Variants in NRXN3 observed in about 807,000 individuals in gnomAD.
The protein encoded by NRXN3 is neurexin 3, also known as neurexin III.
NRXN3 carries 32 observed loss-of-function variants against 137.6 expected under a neutral mutation model. The ratio of observed to expected loss-of-function variants is 0.23; its 90% CI spans 0.18 to 0.31. NRXN3 has a LOEUF of 0.31. NRXN3 is among the 10% of genes least tolerant of loss of function. The pLI, the probability that NRXN3 is intolerant of heterozygous loss-of-function variation, is 1.00. For missense variants in NRXN3, 1,574 were observed against 2,062.5 expected (o/e 0.76, Z 4.59); for synonymous variants, 798 against 784.5 (o/e 1.02, Z -0.29).
At chr14:79,729,173 C>A (rs908019002) in intron 19 of NRXN3, among the ~76,000 whole-genome samples, 1 of 152,180 alleles carries the variant, frequency 6.6e-6, no homozygotes, top group Non-Finnish European at 1.5e-5. Flanking sequence ...GAATCCTTGT[C>A]TCCCACACCA....
At chr14:79,535,059 A>G (rs1249030227) in intron 16 of NRXN3, among the ~76,000 whole-genome samples, 1 of 152,188 alleles carries the variant, frequency 6.6e-6, no homozygotes, top group Non-Finnish European at 1.5e-5. Flanking sequence ...GCTATTTTTG[A>G]GGTCTCTTTT....
At chr14:79,690,888 CT>C (rs1312711643) in intron 17 of NRXN3, among the ~76,000 whole-genome samples, 1 of 152,040 alleles carries the variant, frequency 6.6e-6, no homozygotes, top group East Asian at 1.9e-4. Flanking sequence ...TTCTTTATGG[CT>C]TTTAGAATTC....
chr14:79,113,903 A>G (rs1416027345), intron 15 of NRXN3, among the ~76,000 whole-genome samples: 2 of 152,178 alleles, frequency 1.3e-5, no homozygotes, highest in Non-Finnish European at 2.9e-5. Context: ...GAGGATTTGC[A>G]TTTCTAACGA....
At chr14:78,345,252 C>A (rs531239022) in intron 4 of NRXN3, among the ~76,000 whole-genome samples, 3 of 152,240 alleles carry the variant, frequency 2.0e-5, no homozygotes, top group Non-Finnish European at 4.4e-5. Flanking sequence ...AGTAGTTCAG[C>A]TTTTACTAAG....
At chr14:79,270,845 C>A (rs752093122) in intron 15 of NRXN3, among the ~76,000 whole-genome samples, 2 of 152,084 alleles carry the variant, frequency 1.3e-5, no homozygotes, top group Non-Finnish European at 2.9e-5. Flanking sequence ...ATTTCAGTAT[C>A]CCCCACCTCA....
chr14:78,729,012 T>A (rs1407904480), intron 8 of NRXN3, among the ~76,000 whole-genome samples: 1 of 152,216 alleles, frequency 6.6e-6, no homozygotes, highest in Non-Finnish European at 1.5e-5. Context: ...AGTTTTCTGA[T>A]CCATCAAAAA....
intron 4 of NRXN3, among the ~76,000 whole-genome samples, chr14:78,322,789 A>G (rs989653725): frequency 6.6e-6 from 1 of 151,780 alleles, no homozygotes; most frequent in African/African-American, 2.4e-5. Flanking sequence ...TATCAGGGAC[A>G]TTTCTCCCAT....
chr14:78,700,062 A>G (rs950540675), intron 6 of NRXN3, among the ~76,000 whole-genome samples: 2 of 152,194 alleles, frequency 1.3e-5, no homozygotes, highest in African/African-American at 4.8e-5. Context: ...CATGACAAAT[A>G]TATCTCACTC....
At chr14:79,850,175 A>T (rs1010996802) in intron 20 of NRXN3, among the ~76,000 whole-genome samples, 1 of 152,206 alleles carries the variant, frequency 6.6e-6, no homozygotes, top group Non-Finnish European at 1.5e-5. Context: ...GGTATTTGTT[A>T]TGCCAACTTC....
rs1168395886 is a variant in NRXN3 at position 79,279,563 on chromosome 14, C to T, written c.3263-187658C>T. The T allele has an allele frequency of 7.1e-6, 7 of 986,326 alleles. No individual in the cohort carries two copies. In the African/African-American group the frequency reaches 1.2e-4, roughly 17 times the overall value. The allele number at this position is 986,326 out of a possible 1,614,324, so 61.1% of individuals were successfully genotyped here. On this transcript the variant is annotated intron_variant, in intron 15 of 20. Coordinates refer to ENST00000335750, the MANE Select transcript of NRXN3 (RefSeq NM_001330195.2). ...TCCGCACCGGGTTCCTCCTCCTCTCCTCTTTCCCTCCAGTCCTTCTTATTC... is the reference window on the plus strand; with the variant it reads ...TCCGCACCGGGTTCCTCCTCCTCTCTTCTTTCCCTCCAGTCCTTCTTATTC...
intron 15 of NRXN3, among the ~76,000 whole-genome samples, chr14:79,257,379 G>GTAA: frequency 1.0e-5 from 1 of 99,556 alleles, no homozygotes; most frequent in South Asian, 3.5e-4. Flanking sequence ...GGTGGTGGTG[G>GTAA]TGGTGGTGAT....
At chr14:79,411,312 C>T (rs938132067) in intron 15 of NRXN3, among the ~76,000 whole-genome samples, 2 of 152,254 alleles carry the variant, frequency 1.3e-5, no homozygotes, top group African/African-American at 4.8e-5. Flanking sequence ...CCAGGGACAA[C>T]TAGCCAAACT....
chr14:79,536,136 A>G (rs2097209151), intron 16 of NRXN3, among the ~76,000 whole-genome samples: 1 of 152,208 alleles, frequency 6.6e-6, no homozygotes, highest in Non-Finnish European at 1.5e-5. Context: ...TGAACTTTAG[A>G]GAACAAAAAG....
chr14:79,758,489 G>A (rs1184202946), intron 19 of NRXN3, among the ~76,000 whole-genome samples: 2 of 152,096 alleles, frequency 1.3e-5, no homozygotes, highest in Non-Finnish European at 2.9e-5. Context: ...TCATTACCTC[G>A]AGGAAGGCAC....
At chr14:79,437,350 A>G (rs902620010) in intron 15 of NRXN3, among the ~76,000 whole-genome samples, 1 of 151,540 alleles carries the variant, frequency 6.6e-6, no homozygotes, top group African/African-American at 2.4e-5. Flanking sequence ...TAGCTCCCAC[A>G]GTTTTTTCCC....
chr14:79,621,688 C>A (rs2098226162), intron 16 of NRXN3, among the ~76,000 whole-genome samples: 1 of 152,172 alleles, frequency 6.6e-6, no homozygotes, highest in African/African-American at 2.4e-5. Flanking sequence ...TGGCTTTGAA[C>A]AATGAGCATT....
At chr14:78,814,941 T>C (rs1224250138) in intron 10 of NRXN3, among the ~76,000 whole-genome samples, 1 of 152,208 alleles carries the variant, frequency 6.6e-6, no homozygotes, top group Admixed American at 6.5e-5. Flanking sequence ...ATAGCTTGAA[T>C]GAATACAGTA....
At chr14:79,135,027 C>G (rs1424817866) in intron 15 of NRXN3, among the ~76,000 whole-genome samples, 1 of 152,106 alleles carries the variant, frequency 6.6e-6, no homozygotes, top group African/African-American at 2.4e-5. Context: ...GCCACTAAGG[C>G]TAAAACACCA....
intron 1 of NRXN3, among the ~76,000 whole-genome samples, chr14:78,220,721 G>T (rs759510712): frequency 7.9e-5 from 12 of 152,118 alleles, no homozygotes; most frequent in Non-Finnish European, 1.2e-4. Flanking sequence ...AGGGTCCCAG[G>T]GAGGTGGCAG....
Sources: gnomAD v4.1 joint callset for allele counts (sites outside exome capture counted in the v4.1 genomes callset) on GRCh38, gnomAD v4.1.1 for gene constraint, MANE v1.5 for transcripts, NCBI Gene and HGNC (gene_info 2026-07-23, HGNC 2026-07-21) for gene names.